The following KIF18B variants were observed in gnomAD, a reference collection of about 807,000 sequenced individuals.
The protein encoded by KIF18B is kinesin family member 18B.
Under a neutral mutation model 80.9 loss-of-function variants are expected in KIF18B, and 49 were observed. The observed-to-expected ratio is 0.61, with a 90% confidence interval of 0.48 to 0.77. The LOEUF is 0.77. KIF18B is among the 30% of genes least tolerant of loss of function. The pLI is 0.00. For synonymous variants in KIF18B, 439 were observed against 463.9 expected, an observed-to-expected ratio of 0.95 and a Z score of 0.69; for missense variants, 994 against 1,127.7, an observed-to-expected ratio of 0.88 and a Z score of 1.70.
chr17:44,934,861 C>A lies in KIF18B; in HGVS notation c.546G>T (p.Gly182=), dbSNP rs1379647571. 1.1e-5 allele frequency: 17 copies of A among 1,550,510 alleles called. No individual in the cohort carries two copies. The highest frequency in any genetic ancestry group is 1.5e-5 in the Non-Finnish European group (17 of 1,145,958). Residue 182 remains glycine, a synonymous_variant, in exon 4 of 16, where the codon GGG becomes GGT. Transcript: ENST00000593135. This position sits in a 1 kb window ranked among gnomAD's most constrained non-coding sequence, Gnocchi z 5.4. The part of the protein sequence containing the change: ...PLAIREDPDK[G]VVVQGLSFHQ... ...GGAAAGAAAGTCCTTGCACCACCAC[C>A]CCCTTGTCGGGGTCCTCGCGGATGG... is the stretch of plus-strand genomic sequence containing the variant.
At chr17:44,947,095 A>AGAG in intron 1 of KIF18B, among the ~76,000 whole-genome samples, 1 of 128,706 alleles carries the variant, frequency 7.8e-6, no homozygotes. Flanking sequence ...GGAGACAGAG[A>AGAG]GAGAGAGACT....
In KIF18B at chr17:44,934,753, G is replaced by C. The variant is rs2052242082; in HGVS notation, c.576+78C>G. 1 of 1,303,104 alleles carries C rather than the reference G, an allele frequency of 7.7e-7. No individual in the cohort carries two copies. Among genetic ancestry groups the C allele is most frequent in the Admixed American group, 2.2e-5 (1 of 45,298 alleles). 80.7% of individuals were successfully genotyped at this position (1,303,104 alleles called of 1,614,324 possible). A position where few individuals can be genotyped will look rare whatever the true frequency, so the allele number is the denominator to read the frequency against. Reference sequence around the variant, plus strand: ...ACTGCTACCACCATCACAGGACCCAGGGCATCCCCAAACAGTTTTGTGAGG... The same window carrying C: ...ACTGCTACCACCATCACAGGACCCACGGCATCCCCAAACAGTTTTGTGAGG... On this transcript the variant is annotated intron_variant, in intron 4 of 15. Transcript: ENST00000593135. The surrounding 1 kb of genome is among the most constrained non-coding windows in gnomAD (Gnocchi z 5.4).
rs751358473 is a variant in KIF18B at position 44,928,037 on chromosome 17, G to T, written c.2265C>A (p.Pro755=). 1 of 1,516,704 alleles carries T rather than the reference G, an allele frequency of 6.6e-7. No individual in the cohort carries two copies. Among genetic ancestry groups the T allele is most frequent in the Non-Finnish European group, 8.8e-7 (1 of 1,133,126 alleles). 94.0% of individuals were successfully genotyped at this position (1,516,704 alleles called of 1,614,324 possible). A position where few individuals can be genotyped will look rare whatever the true frequency, so the allele number is the denominator to read the frequency against. ...IPQELSRLDQ[P]FIPRAPVPLF... ...ACTGGGAGACCCACCTGGGGATGAA[G>T]GGCTGGTCCAGCCTGCTCAGCTCCT... The change falls in exon 13 of 16, where the codon CCC becomes CCA. Residue 755 remains proline (P), a synonymous_variant. Transcript: ENST00000593135.
intron 1 of KIF18B, among the ~76,000 whole-genome samples, chr17:44,943,321 C>T (rs1221161066): frequency 6.6e-6 from 1 of 151,974 alleles, no homozygotes; most frequent in East Asian, 1.9e-4. Flanking sequence ...AGGATGGTCT[C>T]GATCTCCTGA....
At chr17:44,931,492 G>A in intron 11 of KIF18B, 110 bp downstream of exon 11, 1 of 1,418,952 alleles carries the variant, frequency 7.0e-7, no homozygotes, top group Non-Finnish European at 9.9e-7. Context: ...GGACAGTGCT[G>A]ATGAAGAGAC....
In KIF18B at chr17:44,926,403, G is replaced by A; in HGVS notation, c.2452+11C>T. The A allele has an allele frequency of 1.3e-6, 2 of 1,565,598 alleles. No individual in the cohort carries two copies. The highest frequency in any genetic ancestry group is 1.7e-6 in the Non-Finnish European group (2 of 1,155,156). On this transcript the variant is annotated intron_variant, in intron 15 of 15. Coordinates refer to ENST00000593135, the MANE Select transcript of KIF18B (RefSeq NM_001265577.2). ...ATGGCCCAGGCTATCCCTGTCCCTAGTGCCAGTCACCTGGGAGTACAAGGG... is the reference window on the plus strand; with the variant it reads ...ATGGCCCAGGCTATCCCTGTCCCTAATGCCAGTCACCTGGGAGTACAAGGG...
chr17:44,940,173 G>A (rs1262815828), intron 1 of KIF18B, among the ~76,000 whole-genome samples: 2 of 152,220 alleles, frequency 1.3e-5, no homozygotes, highest in Non-Finnish European at 2.9e-5. Flanking sequence ...TGGCCACATT[G>A]CTGAACTCCC....
chr17:44,942,000 G>A (rs898798348), intron 1 of KIF18B, among the ~76,000 whole-genome samples: 8 of 151,996 alleles, frequency 5.3e-5, no homozygotes, highest in Non-Finnish European at 1.0e-4. Flanking sequence ...TGGCATAGCC[G>A]CCGCTAGGAT....
chr17:44,935,121 C>T (rs2052254006), intron 3 of KIF18B, 138 bp downstream of exon 3: 1 of 977,832 alleles, frequency 1.0e-6, no homozygotes, highest in Non-Finnish European at 1.5e-6. Flanking sequence ...CAGCATCTCA[C>T]TGAGCAGTAT....
At position 44,926,060 on chromosome 17, in the gene KIF18B, T is replaced by TGGTCAGGACATTCTGGC. The variant is rs755399802; in HGVS notation, c.*3_*19dup. 28 of 1,613,610 alleles carry TGGTCAGGACATTCTGGC rather than the reference T, an allele frequency of 1.7e-5. No individual in the cohort carries two copies. The highest frequency in any genetic ancestry group is 2.3e-5 in the Non-Finnish European group (27 of 1,179,818). On this transcript the variant is annotated 3_prime_UTR_variant, in exon 16 of 16. Coordinates refer to ENST00000593135, the MANE Select transcript of KIF18B (RefSeq NM_001265577.2). ...GGGCCGGTAGGTTAGGACACCTTGG[T>TGGTCAGGACATTCTGGC]GGTCAGGACATTCTGGCGGTCAGGA...
At position 44,928,921 on chromosome 17, in the gene KIF18B, G is replaced by T. The variant is rs771898221; in HGVS notation, c.1621C>A (p.Gln541Lys). 1.3e-5 allele frequency: 21 copies of T among 1,613,872 alleles called. No individual in the cohort carries two copies. Among genetic ancestry groups the T allele is most frequent in the Non-Finnish European group, 1.8e-5 (21 of 1,179,872 alleles). The change falls in exon 12 of 16, where the codon CAG (glutamine) becomes AAG (lysine). Residue 541 changes from glutamine to lysine, a missense_variant. Physicochemically the swap from Gln to Lys is moderately conservative, Grantham distance 53. Coordinates refer to ENST00000593135, the MANE Select transcript of KIF18B (RefSeq NM_001265577.2). ...TCAATTTTTTCCTCTTGCACCAGCT[G>T]CTGTAGGGTCTCAAACTCTGTGATC... ...DMITEFETLQ[Q>K]LVQEEKIEPG...
At position 44,928,850 on chromosome 17, in the gene KIF18B, T is replaced by C. The variant is rs773853004; in HGVS notation, c.1692A>G (p.Ala564=). The C allele has an allele frequency of 6.2e-7, 1 of 1,613,656 alleles. No homozygotes were observed. The highest frequency in any genetic ancestry group is 1.7e-5 in the Admixed American group (1 of 59,994). ...ALRTSGLARG[A]PLAQELCSES... ...CTGAACACAGCTCCTGAGCCAGAGGTGCCCCCCTGGCCAGGCCTGAAGTCC... is the reference window on the plus strand; with the variant it reads ...CTGAACACAGCTCCTGAGCCAGAGGCGCCCCCCTGGCCAGGCCTGAAGTCC... Residue 564 remains alanine (A), a synonymous_variant, in exon 12 of 16, where the codon GCA becomes GCG. Coordinates refer to ENST00000593135, the MANE Select transcript of KIF18B (RefSeq NM_001265577.2).
Position 44,947,757 on chromosome 17 carries a change from C to G in KIF18B, c.-144G>C, listed in dbSNP as rs1033177331. On this transcript the variant is annotated 5_prime_UTR_variant, in exon 1 of 16. Transcript: ENST00000593135. ...CCTACCCGCGCCAACCTCCACCCGG[C>G]GCCTTGCGTTCAAATTAGCCGGGCG... The G allele has an allele frequency of 5.9e-5, 9 of 152,308 alleles. No homozygotes were observed. The highest frequency in any genetic ancestry group is 2.2e-4 in the African/African-American group (9 of 41,474). 9.4% of individuals were successfully genotyped at this position (152,308 alleles called of 1,614,324 possible).
chr17:44,942,964 C>CCTT (rs2052446159), intron 1 of KIF18B, among the ~76,000 whole-genome samples: 1 of 152,214 alleles, frequency 6.6e-6, no homozygotes, highest in African/African-American at 2.4e-5. Context: ...ACTACCCCAT[C>CCTT]CTTAGGCTGT....
Position 44,928,538 on chromosome 17 carries a change from G to A in KIF18B, c.1764C>T (p.Tyr588=). The stretch of plus-strand genomic sequence containing the variant: ...CCATAGTCCGGGTCACAGGGCCAGT[G>A]TATCCTGGAGGCTCTGGGCAGAGAG... ...PSPLCPEPPG[Y]TGPVTRTMAR... Residue 588 remains tyrosine (Y), a synonymous_variant, in exon 13 of 16, where the codon TAC becomes TAT. Transcript: ENST00000593135. 1 of 1,461,650 alleles carries A rather than the reference G, an allele frequency of 6.8e-7. No individual in the cohort carries two copies. Among genetic ancestry groups the A allele is most frequent in the Non-Finnish European group, 9.0e-7 (1 of 1,113,598 alleles). 90.5% of individuals were successfully genotyped at this position (1,461,650 alleles called of 1,614,324 possible). A position where few individuals can be genotyped will look rare whatever the true frequency, so the allele number is the denominator to read the frequency against.
At position 44,932,682 on chromosome 17, in the gene KIF18B, G is replaced by T. The variant is rs767798546; in HGVS notation, c.1229C>A (p.Pro410Gln). ...GGGCAGTGGAACTCACTGTTCTGGT[G>T]GTGGTCCCGACTTGGGAGATCCTGG... ...DLPGSPKSGPPPEHQPCTPEL... is the reference protein window; with the variant it reads ...DLPGSPKSGPQPEHQPCTPEL... The change falls in exon 9 of 16, where the codon CCA (proline) becomes CAA (glutamine). Residue 410 changes from proline to glutamine, a missense_variant. Transcript: ENST00000593135. 6.2e-7 allele frequency: 1 copy of T among 1,607,534 alleles called. No individual in the cohort carries two copies. Among genetic ancestry groups the T allele is most frequent in the Non-Finnish European group, 8.5e-7 (1 of 1,175,718 alleles).
chr17:44,931,882 T>A (rs1352738193), intron 10 of KIF18B, among the ~76,000 whole-genome samples, 153 bp from the exon 11 acceptor site: 1 of 152,198 alleles, frequency 6.6e-6, no homozygotes, highest in Non-Finnish European at 1.5e-5. Flanking sequence ...AAGGATCTGA[T>A]AAGAGTATTT....
rs949136918 is a variant in KIF18B at position 44,925,258 on chromosome 17, T to A, written c.*822A>T. The stretch of plus-strand genomic sequence containing the variant: ...GAGGTCAGATCGAGACCAGCCTGGC[T>A]AACACGGTGAAACCCCATCTCTACT... On this transcript the variant is annotated 3_prime_UTR_variant, in exon 16 of 16. Coordinates refer to ENST00000593135, the MANE Select transcript of KIF18B (RefSeq NM_001265577.2). 1.3e-5 allele frequency: 2 copies of A among 151,494 alleles called. No individual in the cohort carries two copies. Among genetic ancestry groups the A allele is most frequent in the African/African-American group, 4.9e-5 (2 of 41,186 alleles). 9.4% of individuals were successfully genotyped at this position (151,494 alleles called of 1,614,324 possible).
At position 44,932,940 on chromosome 17, in the gene KIF18B, G is replaced by A; in HGVS notation, c.1109C>T (p.Ala370Val). Reference sequence around the variant, plus strand: ...AGCCTGGAGCTGTTGGCAGATGGTAGCATACTGGCTGATGTGACAGTCCAG... The same window carrying A: ...AGCCTGGAGCTGTTGGCAGATGGTAACATACTGGCTGATGTGACAGTCCAG... ...TSLDCHISQY[A>V]TICQQLQAEV... The change falls in exon 8 of 16, where the codon GCT (alanine) becomes GTT (valine). Residue 370 changes from alanine to valine, a missense_variant. By Grantham distance (64) the Ala-to-Val change is moderately conservative. Transcript: ENST00000593135. 6.2e-7 allele frequency: 1 copy of A among 1,607,814 alleles called. No individual in the cohort carries two copies.
Sources: gnomAD v4.1 joint callset for allele counts (sites outside exome capture counted in the v4.1 genomes callset) on GRCh38, gnomAD v4.1.1 for gene constraint, Gnocchi (gnomAD v3.1) non-coding constraint, MANE v1.5 for transcripts, NCBI Gene and HGNC (gene_info 2026-07-23, HGNC 2026-07-21) for gene names.